The following WDFY2 variants were observed in gnomAD, a reference collection of about 807,000 sequenced individuals.
WDFY2 encodes the protein WD repeat and FYVE domain containing 2, also known as WD repeat and FYVE domain-containing protein 2.
Under a neutral mutation model 56.4 loss-of-function variants are expected in WDFY2, and 36 were observed. The ratio of observed to expected loss-of-function variants is 0.64; its 90% CI spans 0.49 to 0.84. WDFY2 has a LOEUF of 0.84. Ranked by LOEUF, WDFY2 falls within the 40% of genes least tolerant of loss-of-function variation. WDFY2 has a pLI of 0.00. For missense variants in WDFY2, 444 were observed against 512.2 expected (o/e 0.87, Z 1.29); for synonymous variants, 176 against 183.7 (o/e 0.96, Z 0.34).
At chr13:51,729,681 C>G (rs1025822755) in intron 6 of WDFY2, among the ~76,000 whole-genome samples, 5 of 152,122 alleles carry the variant, frequency 3.3e-5, no homozygotes, top group African/African-American at 1.2e-4. Flanking sequence ...TTGACTAACT[C>G]ATTCTTCTCA....
chr13:51,678,041 C>G (rs188260032), intron 3 of WDFY2, among the ~76,000 whole-genome samples: 1 of 152,176 alleles, frequency 6.6e-6, no homozygotes, highest in African/African-American at 2.4e-5. Context: ...GCTCAGAATT[C>G]TGCTCTGCCA....
intron 1 of WDFY2, among the ~76,000 whole-genome samples, chr13:51,623,241 A>G (rs891065939): frequency 6.6e-6 from 1 of 152,018 alleles, no homozygotes. Context: ...AAATGAAGGT[A>G]GGTGCTATTA....
intron 3 of WDFY2, among the ~76,000 whole-genome samples, chr13:51,677,634 TA>T (rs1384990351): frequency 6.6e-6 from 1 of 152,118 alleles, no homozygotes; most frequent in Non-Finnish European, 1.5e-5. Context: ...TTTTACTGAA[TA>T]AAAAGAACAC....
Position 51,758,250 on chromosome 13 carries a change from G to A in WDFY2, c.1123G>A (p.Asp375Asn), listed in dbSNP as rs749727071. 7 of 1,601,814 alleles carry A rather than the reference G, an allele frequency of 4.4e-6. No homozygotes were observed. Among genetic ancestry groups the A allele is most frequent in the African/African-American group, 1.3e-5 (1 of 74,844 alleles). ...SKHNIVHVHF[D>N]ATRGWLLTSG... is the part of the protein sequence containing the mutation. ...ACATAACATTGTGCATGTGCATTTC[G>A]ATGCAACCAGAGGATGGTTACTGAC... The change falls in exon 11 of 12, where the codon GAT becomes AAT. Residue 375 changes from aspartate (D) to asparagine (N), a missense_variant. By Grantham distance (23) the Asp-to-Asn change is conservative. Coordinates refer to ENST00000298125, the MANE Select transcript of WDFY2 (RefSeq NM_052950.4).
chr13:51,743,630 C>T (rs1475553981), intron 7 of WDFY2, among the ~76,000 whole-genome samples: 2 of 152,170 alleles, frequency 1.3e-5, no homozygotes, highest in Non-Finnish European at 2.9e-5. Context: ...ACTCAGTCAA[C>T]ACATGTTTAC....
intron 8 of WDFY2, 43 bp from the exon 9 acceptor site, chr13:51,755,315 G>A: frequency 1.3e-6 from 2 of 1,596,376 alleles, no homozygotes; most frequent in Non-Finnish European, 1.7e-6. Flanking sequence ...CCATTGTCCT[G>A]ACTGCTGGCC....
At chr13:51,684,326 G>A (rs947664263) in intron 3 of WDFY2, among the ~76,000 whole-genome samples, 29 of 151,386 alleles carry the variant, frequency 1.9e-4, no homozygotes, top group Non-Finnish European at 3.4e-4. Flanking sequence ...CCAAAAAGAT[G>A]CCTTCTAGTG....
intron 3 of WDFY2, among the ~76,000 whole-genome samples, chr13:51,702,634 T>C (rs896187385): frequency 1.3e-5 from 2 of 152,320 alleles, no homozygotes; most frequent in African/African-American, 4.8e-5. Flanking sequence ...CACAAACTGC[T>C]AAACTCAGGA....
intron 1 of WDFY2, chr13:51,598,685 A>G (rs948217746): frequency 2.0e-5 from 3 of 152,268 alleles, no homozygotes; most frequent in Admixed American, 6.5e-5. Flanking sequence ...ATCCAAAGAA[A>G]TATATATGGT....
intron 1 of WDFY2, among the ~76,000 whole-genome samples, chr13:51,606,688 A>T (rs1954390328): frequency 6.6e-6 from 1 of 152,186 alleles, no homozygotes; most frequent in Non-Finnish European, 1.5e-5. Context: ...TTAGTTAAAA[A>T]ATTGCAAATG....
chr13:51,591,902 AC>A (rs2138288502), intron 1 of WDFY2: 1 of 151,586 alleles, frequency 6.6e-6, no homozygotes, highest in Admixed American at 6.6e-5. Context: ...TATAGAATTG[AC>A]CCAGTCTGAC....
intron 1 of WDFY2, among the ~76,000 whole-genome samples, chr13:51,602,903 A>G (rs1480061290): frequency 6.6e-6 from 1 of 152,006 alleles, no homozygotes; most frequent in African/African-American, 2.4e-5. Context: ...TATCCTGTAA[A>G]AGTGTTTGTA....
intron 2 of WDFY2, among the ~76,000 whole-genome samples, chr13:51,673,974 C>T (rs1390044161): frequency 6.6e-6 from 1 of 151,966 alleles, no homozygotes; most frequent in Admixed American, 6.6e-5. Flanking sequence ...ATTCAGGGCC[C>T]TTTTATAAAG....
At position 51,765,151 on chromosome 13, in the gene WDFY2, G is replaced by A. The variant is rs920768374; in HGVS notation, c.*5382G>A. ...TGTGGAGGCAGGAACACCGTGCAGG[G>A]GCATGGCAGCGCCTGTCTTTGCTAT... On this transcript the variant is annotated 3_prime_UTR_variant, in exon 12 of 12. Transcript: ENST00000298125. 1 of 152,212 alleles carries A rather than the reference G, an allele frequency of 6.6e-6. No homozygotes were observed. Among genetic ancestry groups the A allele is most frequent in the African/African-American group, 2.4e-5 (1 of 41,438 alleles). 9.4% of individuals were successfully genotyped at this position (152,212 alleles called of 1,614,324 possible). A position where few individuals can be genotyped will look rare whatever the true frequency, so the allele number is the denominator to read the frequency against.
At chr13:51,693,731 G>A (rs1320196554) in intron 3 of WDFY2, among the ~76,000 whole-genome samples, 12 of 151,444 alleles carry the variant, frequency 7.9e-5, no homozygotes, top group East Asian at 1.9e-4. Flanking sequence ...CAATTCCTGG[G>A]TATCCTTGTT....
At chr13:51,703,696 T>C in intron 4 of WDFY2, 46 bp downstream of exon 4, 1 of 1,502,408 alleles carries the variant, frequency 6.7e-7, no homozygotes, top group Non-Finnish European at 9.1e-7. Flanking sequence ...TCTAAAATAC[T>C]TCTTGGTGGT....
chr13:51,693,534 T>G (rs559102362), intron 3 of WDFY2, among the ~76,000 whole-genome samples: 6 of 152,204 alleles, frequency 3.9e-5, no homozygotes, highest in African/African-American at 1.4e-4. Flanking sequence ...TTGATTGCAC[T>G]GTGGTCTGAG....
intron 4 of WDFY2, among the ~76,000 whole-genome samples, chr13:51,718,691 A>G (rs1952420315): frequency 2.0e-5 from 3 of 152,158 alleles, no homozygotes; most frequent in African/African-American, 7.2e-5. Context: ...TCTGAAAGAA[A>G]GTGTTCATCT....
At chr13:51,615,773 A>T (rs965266738) in intron 1 of WDFY2, among the ~76,000 whole-genome samples, 5 of 152,074 alleles carry the variant, frequency 3.3e-5, no homozygotes, top group Non-Finnish European at 5.9e-5. Context: ...TCTTTCTTTT[A>T]AAAAAAATCT....
Sources: allele counts gnomAD v4.1 joint callset (sites outside exome capture counted in the v4.1 genomes callset), GRCh38; gene constraint gnomAD v4.1.1; transcripts MANE v1.5; gene names NCBI Gene and HGNC (gene_info 2026-07-23, HGNC 2026-07-21).